The following PIK3R3 variants were observed in gnomAD, a reference collection of about 807,000 sequenced individuals.
PIK3R3 encodes the protein phosphoinositide-3-kinase regulatory subunit 3.
PIK3R3 carries 64 observed loss-of-function variants against 62.9 expected under a neutral mutation model. The observed-to-expected ratio is 1.02, with a 90% CI of 0.83 to 1.25. The LOEUF is 1.25. Among genes scored for constraint, PIK3R3 ranks in the 50% most tolerant of loss-of-function variants. The pLI is 0.00. For synonymous variants in PIK3R3, 165 were observed against 189.0 expected (o/e 0.87, Z 1.04); for missense variants, 614 against 561.6 (o/e 1.09, Z -0.94).
the PIK3R3 span, among the ~76,000 whole-genome samples, chr1:46,155,409 C>T: frequency 6.6e-6 from 1 of 151,048 alleles, no homozygotes; most frequent in African/African-American, 2.4e-5. Flanking sequence ...TAGCCAGTGC[C>T]TAGAATGCTG....
the PIK3R3 span, among the ~76,000 whole-genome samples, chr1:46,141,562 C>T: frequency 1.3e-5 from 2 of 152,182 alleles, no homozygotes; most frequent in African/African-American, 4.8e-5. Context: ...TGAGCCACCG[C>T]GTCCAGCCTT....
Position 46,076,890 on chromosome 1 carries a change from T to C in PIK3R3, c.314+625A>G, listed in dbSNP as rs1303649653. On this transcript the variant is annotated intron_variant, in intron 3 of 9. Transcript: ENST00000262741. ...TTAGTCATTGTTATTGTTACTGTTA[T>C]TTTCTTTTTGTTAAATATTTCCTTT... Among the ~76,000 whole-genome samples, 3 of 152,240 alleles carry C rather than the reference T, an allele frequency of 2.0e-5. No homozygotes were observed. In the East Asian group the frequency reaches 5.8e-4, roughly 29 times the overall value.
Position 46,043,794 on chromosome 1 carries a change from T to G in PIK3R3, c.1265A>C (p.Tyr422Ser). ...GYGFAEPYNL[Y>S]SSLKELVLHY... ...GAGCACTAGCTCCTTCAGAGAGCTGTACAGGTTGTAGGGCTCTGCAAAGCC... is the reference window on the plus strand; with the variant it reads ...GAGCACTAGCTCCTTCAGAGAGCTGGACAGGTTGTAGGGCTCTGCAAAGCC... Residue 422 changes from tyrosine to serine, a missense_variant, in exon 10 of 10, where the codon TAC (tyrosine) becomes TCC (serine). By Grantham distance (144) the Tyr-to-Ser change is moderately radical. Transcript: ENST00000262741. The G allele has an allele frequency of 6.2e-7, 1 of 1,614,124 alleles. No homozygotes were observed. Among genetic ancestry groups the G allele is most frequent in the African/African-American group, 1.3e-5 (1 of 75,052 alleles).
intron 2 of PIK3R3, among the ~76,000 whole-genome samples, chr1:46,078,609 CA>C (rs2149411504): frequency 6.6e-6 from 1 of 152,150 alleles, no homozygotes; most frequent in East Asian, 1.9e-4. Flanking sequence ...AATTACCTAC[CA>C]TATGACCTGG....
intron 7 of PIK3R3, among the ~76,000 whole-genome samples, chr1:46,053,274 T>G (rs1647540457): frequency 6.6e-6 from 1 of 152,220 alleles, no homozygotes; most frequent in Non-Finnish European, 1.5e-5. Flanking sequence ...TGTTTTGTTT[T>G]CTGTGGTTTT....
chr1:46,121,708 A>T (rs1373675751), intron 1 of PIK3R3, among the ~76,000 whole-genome samples: 1 of 152,170 alleles, frequency 6.6e-6, no homozygotes, highest in African/African-American at 2.4e-5. Context: ...ACACAGTTGC[A>T]TGCTCTGGAT....
chr1:46,080,568 G>T, intron 2 of PIK3R3, 74 bp downstream of exon 2: 2 of 1,009,514 alleles, frequency 2.0e-6, no homozygotes, highest in Non-Finnish European at 1.6e-6. Context: ...GCTTAAAATG[G>T]TTTACTTTAA....
chr1:46,172,044 G>C, the PIK3R3 span, among the ~76,000 whole-genome samples: 4 of 152,174 alleles, frequency 2.6e-5, no homozygotes, highest in Non-Finnish European at 5.9e-5. Context: ...GCCTGAGGCT[G>C]GCTGGAGCGG....
At position 46,080,707 on chromosome 1, in the gene PIK3R3, T is replaced by C. The variant is rs1306232821; in HGVS notation, c.150A>G (p.Pro50=). Residue 50 remains proline, a synonymous_variant, in exon 2 of 10, where the codon CCA becomes CCG. Coordinates refer to ENST00000262741, the MANE Select transcript of PIK3R3 (RefSeq NM_003629.4). ...KPPKPMTSAV[P]NGMKDSSVSL... Reference sequence around the variant, plus strand: ...AAACAGAACTGTCCTTCATTCCATTTGGAACTGCTGAAGTCATTGGCTTAG... The same window carrying C: ...AAACAGAACTGTCCTTCATTCCATTCGGAACTGCTGAAGTCATTGGCTTAG... The C allele has an allele frequency of 6.2e-6, 10 of 1,613,888 alleles. No homozygotes were observed. The African/African-American group carries it at 1.3e-4, about 22-fold the overall frequency.
chr1:46,161,143 A>G, the PIK3R3 span, among the ~76,000 whole-genome samples: 1 of 152,014 alleles, frequency 6.6e-6, no homozygotes, highest in Non-Finnish European at 1.5e-5. Flanking sequence ...TCTGTCACTC[A>G]GAGTACAGTG....
intron 1 of PIK3R3, among the ~76,000 whole-genome samples, chr1:46,121,315 T>C (rs1007574136): frequency 2.0e-5 from 3 of 152,238 alleles, no homozygotes; most frequent in Non-Finnish European, 2.9e-5. Context: ...TTAGACCATA[T>C]TGAGTGACCC....
intron 1 of PIK3R3, among the ~76,000 whole-genome samples, chr1:46,106,092 G>A (rs369916791): frequency 2.0e-5 from 3 of 151,992 alleles, no homozygotes; most frequent in East Asian, 3.8e-4. Flanking sequence ...TTGAGTACAG[G>A]GCAATCATTT....
intron 5 of PIK3R3, among the ~76,000 whole-genome samples, chr1:46,065,786 G>A (rs1648931444): frequency 6.6e-6 from 1 of 152,180 alleles, no homozygotes; most frequent in African/African-American, 2.4e-5. Flanking sequence ...CACCCCTGTA[G>A]TGCCTATATA....
upstream of PIK3R3, among the ~76,000 whole-genome samples, chr1:46,134,825 C>A (rs1045109542): frequency 2.0e-5 from 3 of 152,174 alleles, no homozygotes; most frequent in African/African-American, 7.2e-5. Context: ...ATACACAGAG[C>A]AATCACCCAG....
intron 1 of PIK3R3, among the ~76,000 whole-genome samples, chr1:46,105,614 G>C (rs1215620088): frequency 2.6e-5 from 4 of 151,998 alleles, no homozygotes; most frequent in African/African-American, 9.7e-5. Context: ...TCAGAAGTTC[G>C]AGACCAGTCT....
At position 46,131,416 on chromosome 1, in the gene PIK3R3, G is replaced by A. The variant is rs565977945; in HGVS notation, c.106+431C>T. On this transcript the variant is annotated intron_variant, in intron 1 of 9. Transcript: ENST00000262741. ...AACGAACCAAATTAGACAAATGTAT[G>A]AAAGGACAAGCTTTCAAGAATTCGC... 4.6e-5 allele frequency among the ~76,000 whole-genome samples: 7 copies of A among 152,302 alleles called. No individual in the cohort carries two copies. The South Asian group carries it at 1.5e-3, about 32-fold the overall frequency.
the PIK3R3 span, among the ~76,000 whole-genome samples, chr1:46,152,532 CTCCCTTGGATTGTA>C: frequency 6.6e-6 from 1 of 151,146 alleles, no homozygotes; most frequent in African/African-American, 2.4e-5. Flanking sequence ...TCCCTGGTAT[CTCCCTTGGATTGTA>C]CGCTGATTAA....
intron 3 of PIK3R3, among the ~76,000 whole-genome samples, chr1:46,068,459 T>C (rs1649201958): frequency 6.6e-6 from 1 of 152,002 alleles, no homozygotes; most frequent in African/African-American, 2.4e-5. Context: ...AACAAACTTC[T>C]CAAGATAGAA....
At chr1:46,089,082 A>C (rs959496941) in intron 1 of PIK3R3, among the ~76,000 whole-genome samples, 2 of 152,222 alleles carry the variant, frequency 1.3e-5, no homozygotes, top group African/African-American at 2.4e-5. Flanking sequence ...CAACCAACTT[A>C]TCTCTCAGCA....
Sources: allele counts gnomAD v4.1 joint callset (sites outside exome capture counted in the v4.1 genomes callset), GRCh38; gene constraint gnomAD v4.1.1; transcripts MANE v1.5; gene names NCBI Gene and HGNC (gene_info 2026-07-23, HGNC 2026-07-21).